Variants in GSG1L observed in about 807,000 individuals in gnomAD.
The protein encoded by GSG1L is GSG1 like, also known as germ cell-specific gene 1-like protein.
GSG1L carries 24 observed loss-of-function variants against 42.1 expected under a neutral mutation model. The observed-to-expected ratio is 0.57, with a 90% confidence interval of 0.41 to 0.80. The LOEUF (loss-of-function observed/expected upper bound fraction) is 0.80. Among genes scored for constraint, GSG1L ranks in the 30% least tolerant of loss-of-function variants. The probability of loss-of-function intolerance (pLI) is 0.00; values close to 1 mark genes in which losing one functional copy is unlikely to be tolerated. For synonymous variants in GSG1L, 215 were observed against 203.5 expected, an observed-to-expected ratio of 1.06 and a Z score of -0.48; for missense variants, 445 against 472.2, an observed-to-expected ratio of 0.94 and a Z score of 0.53.
At chr16:27,793,492 TG>T (rs2082778080) in intron 6 of GSG1L, among the ~76,000 whole-genome samples, 1 of 88,854 alleles carries the variant, frequency 1.1e-5, no homozygotes, top group South Asian at 2.9e-4. Context: ...GGTTTTGTTT[TG>T]TTTTTTTAAT....
chr16:27,901,430 A>T (rs1454206619), intron 2 of GSG1L, among the ~76,000 whole-genome samples: 4 of 152,200 alleles, frequency 2.6e-5, no homozygotes, highest in Admixed American at 2.6e-4. Context: ...CTGCCACCTC[A>T]GTTCTTAGAT....
In GSG1L at chr16:27,828,796, G is replaced by A. The variant is rs779216438; in HGVS notation, c.823C>T (p.Arg275Trp). 22 of 1,613,736 alleles carry A rather than the reference G, an allele frequency of 1.4e-5. No individual in the cohort carries two copies. Among genetic ancestry groups the A allele is most frequent in the South Asian group, 3.3e-5 (3 of 91,054 alleles). ...AACCCCCTGTGCACTGACCTCTCCCGGAAGTACTTGATGGCCTCAGGGTCT... is the reference window on the plus strand; with the variant it reads ...AACCCCCTGTGCACTGACCTCTCCCAGAAGTACTTGATGGCCTCAGGGTCT... ...FIDPEAIKYF[R>W]ERMEKRDGSE... The change falls in exon 5 of 7, where the codon CGG becomes TGG. Residue 275 changes from arginine to tryptophan, a missense_variant. Coordinates refer to ENST00000447459, the MANE Select transcript of GSG1L (RefSeq NM_001109763.2).
chr16:27,983,093 G>C (rs945033150), intron 1 of GSG1L, among the ~76,000 whole-genome samples: 1 of 152,174 alleles, frequency 6.6e-6, no homozygotes, highest in Non-Finnish European at 1.5e-5. Flanking sequence ...CCAGCACTTT[G>C]GGAGGACAAG....
At chr16:27,812,631 A>G (rs1409955032) in intron 5 of GSG1L, among the ~76,000 whole-genome samples, 1 of 151,946 alleles carries the variant, frequency 6.6e-6, no homozygotes, top group Non-Finnish European at 1.5e-5. Flanking sequence ...AGTGGGGAGC[A>G]GGGCTGGAAT....
At chr16:28,042,705 G>A (rs2086120408) in intron 1 of GSG1L, among the ~76,000 whole-genome samples, 1 of 152,180 alleles carries the variant, frequency 6.6e-6, no homozygotes, top group South Asian at 2.1e-4. Flanking sequence ...TGAAAAAGAG[G>A]AAGGATATAC....
In GSG1L at chr16:27,788,152, C is replaced by T. The variant is rs1204416218; in HGVS notation, c.*3218G>A. On this transcript the variant is annotated 3_prime_UTR_variant, in exon 7 of 7. Transcript: ENST00000447459. Reference sequence around the variant, plus strand: ...CGAAGTCTCCGTCTTCCCTATCCCCCAAGCTGACCCTGTAACCTGAGAGTC... The same window carrying T: ...CGAAGTCTCCGTCTTCCCTATCCCCTAAGCTGACCCTGTAACCTGAGAGTC... The T allele has an allele frequency of 6.6e-6, 1 of 152,190 alleles. No homozygotes were observed. Among genetic ancestry groups the T allele is most frequent in the African/African-American group, 2.4e-5 (1 of 41,432 alleles). 9.4% of individuals were successfully genotyped at this position (152,190 alleles called of 1,614,324 possible).
At chr16:27,996,782 CTTT>C (rs1486923086) in intron 1 of GSG1L, among the ~76,000 whole-genome samples, 1 of 152,104 alleles carries the variant, frequency 6.6e-6, no homozygotes, top group Non-Finnish European at 1.5e-5. Context: ...TTTCCTTTTT[CTTT>C]TTTATTTTTA....
intron 1 of GSG1L, among the ~76,000 whole-genome samples, chr16:28,007,788 T>A (rs532763596): frequency 2.2e-4 from 34 of 152,236 alleles, no homozygotes; most frequent in African/African-American, 7.9e-4. Flanking sequence ...AGTGCTGGGA[T>A]GACAGGCTTG....
chr16:27,938,385 T>TAAAAAAAA (rs71140925), intron 2 of GSG1L, among the ~76,000 whole-genome samples: 2 of 141,224 alleles, frequency 1.4e-5, no homozygotes, highest in Middle Eastern at 3.7e-3. Context: ...GAGACTCCAT[T>TAAAAAAAA]AAAAAAAAAA....
At chr16:28,062,681 G>A (rs770323590) in intron 1 of GSG1L, among the ~76,000 whole-genome samples, 3 of 152,202 alleles carry the variant, frequency 2.0e-5, no homozygotes. Context: ...GTGGGTGGGG[G>A]CATCTAGTGC....
At chr16:28,032,853 C>T (rs915815181) in intron 1 of GSG1L, among the ~76,000 whole-genome samples, 11 of 152,042 alleles carry the variant, frequency 7.2e-5, no homozygotes, top group Non-Finnish European at 1.3e-4. Flanking sequence ...CCCACAAGGC[C>T]GAGGCACCAT....
At chr16:27,850,633 G>T (rs1042437688) in intron 3 of GSG1L, 2 of 454,906 alleles carry the variant, frequency 4.4e-6, no homozygotes, top group Non-Finnish European at 4.4e-6. Context: ...ACTGCAAGAG[G>T]TTTAGAAGAG....
chr16:27,931,303 GT>G (rs1325669146), intron 2 of GSG1L, among the ~76,000 whole-genome samples: 2 of 152,206 alleles, frequency 1.3e-5, no homozygotes, highest in East Asian at 3.9e-4. Context: ...GCCCATGCCT[GT>G]GGACATCCCG....
chr16:27,858,882 C>T (rs1295261038), intron 3 of GSG1L, among the ~76,000 whole-genome samples: 1 of 152,146 alleles, frequency 6.6e-6, no homozygotes, highest in Non-Finnish European at 1.5e-5. Context: ...ATGATTGAGT[C>T]AGTTAGTTTA....
At chr16:28,029,267 T>C (rs1266998586) in intron 1 of GSG1L, among the ~76,000 whole-genome samples, 1 of 152,200 alleles carries the variant, frequency 6.6e-6, no homozygotes, top group Non-Finnish European at 1.5e-5. Flanking sequence ...GCCATTTTCA[T>C]TATGTGAGTA....
intron 3 of GSG1L, among the ~76,000 whole-genome samples, chr16:27,864,563 T>G (rs2083692877): frequency 6.6e-6 from 1 of 152,230 alleles, no homozygotes; most frequent in South Asian, 2.1e-4. Flanking sequence ...CTCTCCCCTG[T>G]GCCCACCTGC....
chr16:27,788,987 A>G lies in GSG1L; in HGVS notation c.*2383T>C, dbSNP rs1000631415. 1 of 152,280 alleles carries G rather than the reference A, an allele frequency of 6.6e-6. No individual in the cohort carries two copies. The highest frequency in any genetic ancestry group is 1.5e-5 in the Non-Finnish European group (1 of 68,056). 9.4% of individuals were successfully genotyped at this position (152,280 alleles called of 1,614,324 possible). On this transcript the variant is annotated 3_prime_UTR_variant, in exon 7 of 7. Transcript: ENST00000447459. Reference sequence around the variant, plus strand: ...AAGTGCCTACCACAGTGCTTGGCACATAGTAGGGGCACAGTGAACTATATC... The same window carrying G: ...AAGTGCCTACCACAGTGCTTGGCACGTAGTAGGGGCACAGTGAACTATATC...
intron 5 of GSG1L, among the ~76,000 whole-genome samples, chr16:27,812,718 T>G (rs1196928902): frequency 6.6e-6 from 1 of 152,196 alleles, no homozygotes; most frequent in Non-Finnish European, 1.5e-5. Context: ...AGCTGCATCA[T>G]GAAGGCCATG....
chr16:27,825,709 A>G (rs867576563), intron 5 of GSG1L, among the ~76,000 whole-genome samples: 5 of 151,886 alleles, frequency 3.3e-5, no homozygotes, highest in African/African-American at 1.2e-4. Flanking sequence ...CTCATCTGTC[A>G]TTGGAGGGAT....
Sources: gnomAD v4.1 joint callset for allele counts (sites outside exome capture counted in the v4.1 genomes callset) on GRCh38, gnomAD v4.1.1 for gene constraint, MANE v1.5 for transcripts, NCBI Gene and HGNC (gene_info 2026-07-23, HGNC 2026-07-21) for gene names.